The following ZNF585B variants were observed in gnomAD, a reference collection of about 807,000 sequenced individuals.
ZNF585B encodes zinc finger protein 585B, also known as zinc finger protein 41-like protein.
ZNF585B carries 7 observed loss-of-function variants against 14.0 expected under a neutral mutation model. That is an observed-to-expected ratio of 0.50 (90% CI 0.28 to 0.94). The LOEUF (loss-of-function observed/expected upper bound fraction) is 0.94, where lower values mean the gene tolerates loss of function less well. ZNF585B is among the 40% of genes least tolerant of loss of function. The probability of loss-of-function intolerance (pLI) is 0.09; values close to 1 mark genes in which losing one functional copy is unlikely to be tolerated. For synonymous variants in ZNF585B, 290 were observed against 317.3 expected (o/e 0.91, Z 0.91); for missense variants, 750 against 924.4 (o/e 0.81, Z 2.45).
At chr19:37,194,049 T>C (rs951289077) in intron 2 of ZNF585B, among the ~76,000 whole-genome samples, 2 of 152,182 alleles carry the variant, frequency 1.3e-5, no homozygotes, top group Non-Finnish European at 2.9e-5. Context: ...AGATAAAACA[T>C]TGTGTTTGAG....
chr19:37,187,378 G>T lies in ZNF585B; in HGVS notation c.293-134C>A, dbSNP rs1044309608. The T allele has an allele frequency of 8.7e-6, 6 of 687,906 alleles. No individual in the cohort carries two copies. In the African/African-American group the frequency reaches 1.1e-4, roughly 13 times the overall value. The allele number at this position is 687,906 out of a possible 1,614,324, so 42.6% of individuals were successfully genotyped here. A position where few individuals can be genotyped will look rare whatever the true frequency, so the allele number is the denominator to read the frequency against. On this transcript the variant is annotated intron_variant, in intron 4 of 4. Transcript: ENST00000532828. ...TATGCTTCAAGCCATTTCCAAATAA[G>T]TCACACTGATAGGGTTTTTAGGGGG...
At chr19:37,207,976 A>G (rs537405819) in intron 1 of ZNF585B, among the ~76,000 whole-genome samples, 3 of 151,752 alleles carry the variant, frequency 2.0e-5, no homozygotes, top group East Asian at 3.9e-4. Flanking sequence ...CACCTCACAC[A>G]ATATTTTTTT....
rs574314813 is a variant in ZNF585B, at chr19:37,190,250, A to G, written c.73-100T>C. ...ACATGGGTTTTGTTGTTTTTAATTT[A>G]CTTCATTTTTTTTTTGAGACAGTCT... On this transcript the variant is annotated intron_variant, in intron 2 of 4. Transcript: ENST00000532828. 33 of 1,523,192 alleles carry G rather than the reference A, an allele frequency of 2.2e-5. No homozygotes were observed. In the South Asian group the frequency reaches 3.9e-4, roughly 18 times the overall value. The allele number at this position is 1,523,192 out of a possible 1,614,324, so 94.4% of individuals were successfully genotyped here. A position where few individuals can be genotyped will look rare whatever the true frequency, so the allele number is the denominator to read the frequency against.
In ZNF585B at chr19:37,184,448, G is replaced by C. The variant is rs1231325732; in HGVS notation, c.*779C>G. 50 of 50,300 alleles carry C rather than the reference G, an allele frequency of 9.9e-4. 1 individual carries two copies. In the South Asian group the frequency reaches 0.012, roughly 12 times the overall value. The allele number at this position is 50,300 out of a possible 1,614,324, so 3.1% of individuals were successfully genotyped here. A position where few individuals can be genotyped will look rare whatever the true frequency, so the allele number is the denominator to read the frequency against. ...AAAGAAAAAGAAAGAAAGAAGGAAA[G>C]AAAGAAAGAAAGAAAGAAAGAAAGA... On this transcript the variant is annotated 3_prime_UTR_variant, in exon 5 of 5. Transcript: ENST00000532828.
Position 37,202,369 on chromosome 19 carries a change from T to G in ZNF585B, c.72+4671A>C, listed in dbSNP as rs748522484. Among the ~76,000 whole-genome samples the G allele has an allele frequency of 4.9e-4, 75 of 152,196 alleles. 1 individual carries two copies. Among genetic ancestry groups the G allele is most frequent in the Non-Finnish European group, 1.0e-3 (68 of 68,032 alleles). On this transcript the variant is annotated intron_variant, in intron 2 of 4. Transcript: ENST00000532828. ...TGAATCTATTTATTTCCAGTTCTTT[T>G]GGGCATTGAAGTTAACTCTGTAAAC...
intron 1 of ZNF585B, among the ~76,000 whole-genome samples, chr19:37,208,074 G>A (rs1002771986): frequency 1.3e-5 from 2 of 152,166 alleles, no homozygotes; most frequent in Non-Finnish European, 2.9e-5. Flanking sequence ...CAGAGTTCAA[G>A]TGATTCTACT....
chr19:37,210,111 C>T (rs1270858787), intron 1 of ZNF585B, among the ~76,000 whole-genome samples: 4 of 152,270 alleles, frequency 2.6e-5, no homozygotes, highest in African/African-American at 9.6e-5. Context: ...AACTGCTACA[C>T]ATCAAAACTT....
intron 2 of ZNF585B, among the ~76,000 whole-genome samples, chr19:37,203,146 TTC>T (rs1294526112): frequency 6.6e-6 from 1 of 152,204 alleles, no homozygotes; most frequent in East Asian, 1.9e-4. Context: ...GTCTTTGCTT[TTC>T]TTTTTTTAGT....
chr19:37,194,812 A>G (rs1252919257), intron 2 of ZNF585B, among the ~76,000 whole-genome samples: 1 of 152,232 alleles, frequency 6.6e-6, no homozygotes, highest in African/African-American at 2.4e-5. Flanking sequence ...AATGACCAAG[A>G]TAGACCATAC....
rs1972301823 is a variant in ZNF585B, at chr19:37,184,440, G to GAGA, written c.*786_*787insTCT. 6 of 61,776 alleles carry GAGA rather than the reference G, an allele frequency of 9.7e-5. No homozygotes were observed. The highest frequency in any genetic ancestry group is 9.7e-4 in the East Asian group (2 of 2,072). The allele number at this position is 61,776 out of a possible 1,614,324, so 3.8% of individuals were successfully genotyped here. A position where few individuals can be genotyped will look rare whatever the true frequency, so the allele number is the denominator to read the frequency against. The stretch of plus-strand genomic sequence containing the variant: ...AGAGAAAGAAAGAAAAAGAAAGAAA[G>GAGA]AAGGAAAGAAAGAAAGAAAGAAAGA... On this transcript the variant is annotated 3_prime_UTR_variant, in exon 5 of 5. Coordinates refer to ENST00000532828, the MANE Select transcript of ZNF585B (RefSeq NM_152279.4).
Position 37,185,751 on chromosome 19 carries a change from GA to G in ZNF585B, c.1785del (p.His596IlefsTer82), listed in dbSNP as rs1202355135. The G allele has an allele frequency of 1.9e-6, 3 of 1,596,572 alleles. No individual in the cohort carries two copies. The African/African-American group carries it at 4.1e-5, about 22-fold the overall frequency. ...RAFIRKSNFI[T>X]HQRIHTGEKP... ...TTCTCTCCAGTATGAATTCTTTGAT[GA>G]GTAATAAAGTTTGACTTGCGGATGA... On this transcript the variant is annotated frameshift_variant, in exon 5 of 5. Coordinates refer to ENST00000532828, the MANE Select transcript of ZNF585B (RefSeq NM_152279.4). LOFTEE classifies it low-confidence loss of function (END_TRUNC).
intron 2 of ZNF585B, among the ~76,000 whole-genome samples, chr19:37,206,481 A>T (rs2145447252): frequency 6.6e-6 from 1 of 152,242 alleles, no homozygotes; most frequent in African/African-American, 2.4e-5. Context: ...TTAGGAAACA[A>T]ACTAGAGTTT....
rs530054069 is a variant in ZNF585B, at chr19:37,210,133, T to C, written c.-144+308A>G. On this transcript the variant is annotated intron_variant, in intron 1 of 4. Coordinates refer to ENST00000532828, the MANE Select transcript of ZNF585B (RefSeq NM_152279.4). ...ACACATCAAAACTTGTTAATCTTTATATTACAGGCTGAAATGGAAAGAACT... is the reference window on the plus strand; with the variant it reads ...ACACATCAAAACTTGTTAATCTTTACATTACAGGCTGAAATGGAAAGAACT... Among the ~76,000 whole-genome samples, 8 of 152,310 alleles carry C rather than the reference T, an allele frequency of 5.3e-5. No individual in the cohort carries two copies. In the East Asian group the frequency reaches 1.3e-3, roughly 26 times the overall value.
In ZNF585B at chr19:37,203,926, C is replaced by A. The variant is rs112256227; in HGVS notation, c.72+3114G>T. On this transcript the variant is annotated intron_variant, in intron 2 of 4. Transcript: ENST00000532828. The stretch of plus-strand genomic sequence containing the variant: ...TACAGGCATGAGCCACCGCACCCAG[C>A]CTTCAAGAGCCTTTTACTTATTTGT... 6.8e-3 allele frequency among the ~76,000 whole-genome samples: 1,041 copies of A among 152,350 alleles called. 17 individuals carry two copies. The highest frequency in any genetic ancestry group is 0.024 in the African/African-American group (997 of 41,586).
intron 2 of ZNF585B, among the ~76,000 whole-genome samples, chr19:37,193,354 C>T (rs1011324218): frequency 6.6e-6 from 1 of 151,650 alleles, no homozygotes; most frequent in Non-Finnish European, 1.5e-5. Context: ...GCCTGTAGTC[C>T]CAGCTAGTCA....
At chr19:37,200,268 T>C (rs1390025764) in intron 2 of ZNF585B, among the ~76,000 whole-genome samples, 1 of 149,756 alleles carries the variant, frequency 6.7e-6, no homozygotes, top group Non-Finnish European at 1.5e-5. Flanking sequence ...ACACAAAAGG[T>C]AGGCCAGGCA....
intron 2 of ZNF585B, among the ~76,000 whole-genome samples, chr19:37,191,890 G>A (rs955605221): frequency 7.9e-5 from 12 of 151,928 alleles, no homozygotes; most frequent in African/African-American, 2.7e-4. Context: ...AAAATTAGCC[G>A]GGCATGGCGA....
rs1599760992 is a variant in ZNF585B, at chr19:37,184,448, G to GAA, written c.*777_*778dup. 8.0e-5 allele frequency: 4 copies of GAA among 50,300 alleles called. No homozygotes were observed. The highest frequency in any genetic ancestry group is 6.6e-4 in the East Asian group (1 of 1,524). The allele number at this position is 50,300 out of a possible 1,614,324, so 3.1% of individuals were successfully genotyped here. ...AAAGAAAAAGAAAGAAAGAAGGAAA[G>GAA]AAAGAAAGAAAGAAAGAAAGAAAGA... is the stretch of plus-strand genomic sequence containing the variant. On this transcript the variant is annotated 3_prime_UTR_variant, in exon 5 of 5. Coordinates refer to ENST00000532828, the MANE Select transcript of ZNF585B (RefSeq NM_152279.4).
At chr19:37,205,741 A>T (rs958698061) in intron 2 of ZNF585B, among the ~76,000 whole-genome samples, 10 of 152,308 alleles carry the variant, frequency 6.6e-5, no homozygotes, top group Middle Eastern at 3.4e-3. Flanking sequence ...AGATTAAACT[A>T]TTCCTAATAA....
Sources: gnomAD v4.1 joint callset for allele counts (sites outside exome capture counted in the v4.1 genomes callset) on GRCh38, gnomAD v4.1.1 for gene constraint, MANE v1.5 for transcripts, NCBI Gene and HGNC (gene_info 2026-07-23, HGNC 2026-07-21) for gene names.